WDR26: variants seen among roughly 807,000 people sequenced by gnomAD.
The protein encoded by WDR26 is WD repeat domain 26, also known as WD repeat-containing protein 26.
In WDR26, 5 loss-of-function variants were observed where a neutral mutation model predicts 84.1. The observed-to-expected ratio is 0.06, with a 90% confidence interval of 0.03 to 0.13. The LOEUF (loss-of-function observed/expected upper bound fraction) is 0.13. Ranked by LOEUF, WDR26 falls within the 10% of genes least tolerant of loss-of-function variation. WDR26 has a pLI of 1.00. For missense variants in WDR26, 642 were observed against 974.9 expected (o/e 0.66, Z 4.55); for synonymous variants, 415 against 389.6 (o/e 1.07, Z -0.77).
chr1:224,398,247 A>G (rs908492272), intron 11 of WDR26, 21 bp from the exon 12 acceptor site: 33 of 1,603,994 alleles, frequency 2.1e-5, no homozygotes, highest in Non-Finnish European at 2.7e-5. Flanking sequence ...AGGAGAATAC[A>G]GATATTTAAT....
chr1:224,433,370 CA>C (rs1222687431), intron 1 of WDR26, among the ~76,000 whole-genome samples: 1 of 152,146 alleles, frequency 6.6e-6, no homozygotes, highest in African/African-American at 2.4e-5. Flanking sequence ...TATTGACAGA[CA>C]ATTAAGCTCT....
Position 224,434,100 on chromosome 1 carries a change from C to A in WDR26, c.306G>T (p.Gln102His). ...CTCCTCCTCCTCCTGCCCCATTGGC[C>A]TGCATGATGCTGCCGCTGACCAGGC... Residue 102 changes from glutamine (Q) to histidine (H), a missense_variant, in exon 1 of 14, where the codon CAG (glutamine) becomes CAT (histidine). By Grantham distance (24) the Gln-to-His change is conservative (BLOSUM62 0). This residue lies in a region of WDR26 where 291 missense variants were observed against 302.1 expected (regional missense o/e 0.96). Transcript: ENST00000414423. 1 of 1,433,484 alleles carries A rather than the reference C, an allele frequency of 7.0e-7. No homozygotes were observed. The highest frequency in any genetic ancestry group is 2.9e-5 in the Admixed American group (1 of 34,988). 88.8% of individuals were successfully genotyped at this position (1,433,484 alleles called of 1,614,324 possible). A position where few individuals can be genotyped will look rare whatever the true frequency, so the allele number is the denominator to read the frequency against.
At chr1:224,409,953 T>A (rs778784770) in intron 7 of WDR26, among the ~76,000 whole-genome samples, 1 of 152,060 alleles carries the variant, frequency 6.6e-6, no homozygotes, top group Non-Finnish European at 1.5e-5. Flanking sequence ...AACTTTATCC[T>A]GAGCTAATAG....
At position 224,433,835 on chromosome 1, in the gene WDR26, T is replaced by C. The variant is rs1196319273; in HGVS notation, c.571A>G (p.Thr191Ala). Residue 191 changes from threonine (T) to alanine (A), a missense_variant, in exon 1 of 14, where the codon ACC becomes GCC. By Grantham distance (58) the Thr-to-Ala change is moderately conservative. Transcript: ENST00000414423. ...GTGGTGGCGGAGGCAGCTGCGACGGTGGCTGAGGATGCGGCGGCCGCCCCG... is the reference window on the plus strand; with the variant it reads ...GTGGTGGCGGAGGCAGCTGCGACGGCGGCTGAGGATGCGGCGGCCGCCCCG... 2.0e-5 allele frequency: 30 copies of C among 1,536,580 alleles called. No homozygotes were observed. The highest frequency in any genetic ancestry group is 4.1e-5 in the African/African-American group (3 of 72,968).
At chr1:224,425,880 GAC>G (rs1674195885) in intron 3 of WDR26, among the ~76,000 whole-genome samples, 1 of 150,968 alleles carries the variant, frequency 6.6e-6, no homozygotes, top group South Asian at 2.1e-4. Context: ...TTTTTTTTGA[GAC>G]AGAGTCTCAC....
intron 1 of WDR26, among the ~76,000 whole-genome samples, chr1:224,433,141 C>T (rs1284231057): frequency 6.6e-6 from 1 of 152,166 alleles, no homozygotes. Flanking sequence ...TCCAAATGAT[C>T]CCAGCCCCTC....
intron 13 of WDR26, among the ~76,000 whole-genome samples, chr1:224,393,321 T>A (rs527717067): frequency 5.6e-4 from 85 of 152,330 alleles, no homozygotes; most frequent in Admixed American, 1.6e-3. Context: ...GGCACACAGG[T>A]ACATGATCAA....
intron 12 of WDR26, among the ~76,000 whole-genome samples, chr1:224,394,365 T>C (rs1673202646): frequency 2.0e-5 from 3 of 152,226 alleles, no homozygotes; most frequent in Admixed American, 2.0e-4. Context: ...AAAAGCAATG[T>C]ATCCAAATTG....
intron 1 of WDR26, among the ~76,000 whole-genome samples, chr1:224,432,310 T>C (rs1004233344): frequency 2.6e-5 from 4 of 152,224 alleles, no homozygotes; most frequent in Non-Finnish European, 2.9e-5. Flanking sequence ...AAATTTACTA[T>C]GGTGTAGGTT....
rs1399965006 is a variant in WDR26, at chr1:224,387,798, G to A, written c.*2037C>T. On this transcript the variant is annotated 3_prime_UTR_variant, in exon 14 of 14. Coordinates refer to ENST00000414423, the MANE Select transcript of WDR26 (RefSeq NM_001379403.1). The stretch of plus-strand genomic sequence containing the variant: ...ACATGAATCACTTAAAATATGAATG[G>A]TTTTTAACTATACTGAGGTAAAGAG... The A allele has an allele frequency of 1.3e-5, 2 of 152,534 alleles. No homozygotes were observed. Among genetic ancestry groups the A allele is most frequent in the Non-Finnish European group, 2.9e-5 (2 of 68,016 alleles). The allele number at this position is 152,534 out of a possible 1,614,324, so 9.4% of individuals were successfully genotyped here. A position where few individuals can be genotyped will look rare whatever the true frequency, so the allele number is the denominator to read the frequency against.
At chr1:224,389,905 G>T in intron 13 of WDR26, 45 bp from the exon 14 acceptor site, 1 of 1,163,610 alleles carries the variant, frequency 8.6e-7, no homozygotes, top group African/African-American at 1.6e-5. Flanking sequence ...GGCGGGGGAG[G>T]GAAGAGGGGA....
intron 13 of WDR26, among the ~76,000 whole-genome samples, 188 bp downstream of exon 13, chr1:224,393,640 A>C (rs997364998): frequency 3.3e-5 from 5 of 152,174 alleles, no homozygotes; most frequent in Non-Finnish European, 7.3e-5. Context: ...CCCCCAAAAC[A>C]ACCACTACAT....
intron 4 of WDR26, among the ~76,000 whole-genome samples, chr1:224,420,938 T>A (rs1674043710): frequency 6.6e-6 from 1 of 152,198 alleles, no homozygotes; most frequent in African/African-American, 2.4e-5. Flanking sequence ...TAAAACAACT[T>A]TTTTTGGGCA....
chr1:224,429,260 C>CAA (rs1266985986), intron 3 of WDR26: 4 of 99,294 alleles, frequency 4.0e-5, no homozygotes, highest in Non-Finnish European at 6.3e-5. Context: ...GACTCCATCT[C>CAA]AAAAAAAAAA....
chr1:224,408,633 C>CTTTTTTTTTTTTTTTTT (rs67639407), intron 7 of WDR26, among the ~76,000 whole-genome samples: 1 of 115,856 alleles, frequency 8.6e-6, no homozygotes, highest in African/African-American at 3.1e-5. Flanking sequence ...TCATCCCATT[C>CTTTTTTTTTTTTTTTTT]TTTTTTTTTT....
Position 224,394,023 on chromosome 1 carries a change from T to A in WDR26, c.2075-10A>T. On this transcript the variant is annotated splice_polypyrimidine_tract_variant and intron_variant, in intron 12 of 13. Transcript: ENST00000414423. ...ATGTAAACCTTGTGATCTGAACATA[T>A]AGTAATTCAGAAAAAAGTTTTACAT... The A allele has an allele frequency of 7.0e-7, 1 of 1,436,320 alleles. No individual in the cohort carries two copies. Among genetic ancestry groups the A allele is most frequent in the South Asian group, 1.7e-5 (1 of 59,870 alleles). The allele number at this position is 1,436,320 out of a possible 1,614,324, so 89.0% of individuals were successfully genotyped here.
chr1:224,403,180 G>C (rs1392883192), intron 8 of WDR26, among the ~76,000 whole-genome samples: 2 of 151,928 alleles, frequency 1.3e-5, no homozygotes, highest in East Asian at 1.9e-4. Context: ...AGCCTCCCGA[G>C]TAGCTGGGAT....
chr1:224,433,881 A>G lies in WDR26; in HGVS notation c.525T>C (p.Asn175=). Reference sequence around the variant, plus strand: ...CCCCGCCGGGAACCCCGTTATTGACATTCAGGCTGTTGCTATTGTTGCTGG... The same window carrying G: ...CCCCGCCGGGAACCCCGTTATTGACGTTCAGGCTGTTGCTATTGTTGCTGG... The change falls in exon 1 of 14, where the codon AAT becomes AAC. Residue 175 remains asparagine (N), a synonymous_variant. Coordinates refer to ENST00000414423, the MANE Select transcript of WDR26 (RefSeq NM_001379403.1). 1 of 1,536,962 alleles carries G rather than the reference A, an allele frequency of 6.5e-7. No homozygotes were observed. The highest frequency in any genetic ancestry group is 8.7e-7 in the Non-Finnish European group (1 of 1,146,786).
At position 224,401,067 on chromosome 1, in the gene WDR26, T is replaced by C. The variant is rs1187303049; in HGVS notation, c.1602A>G (p.Thr534=). The C allele has an allele frequency of 1.2e-6, 2 of 1,613,452 alleles. No homozygotes were observed. The highest frequency in any genetic ancestry group is 1.1e-5 in the South Asian group (1 of 91,050). Reference sequence around the variant, plus strand: ...GGCTCATTTTTGTCCTTAGTTCTCCTGTCTATAAGGAAATAAAACTGTAAA... The same window carrying C: ...GGCTCATTTTTGTCCTTAGTTCTCCCGTCTATAAGGAAATAAAACTGTAAA... Residue 534 remains threonine, a splice_region_variant and synonymous_variant, in exon 9 of 14, where the codon ACA becomes ACG. Transcript: ENST00000414423.
Sources: allele counts gnomAD v4.1 joint callset (sites outside exome capture counted in the v4.1 genomes callset), GRCh38; gene constraint gnomAD v4.1.1; regional missense constraint gnomAD v4.1.1; transcripts MANE v1.5; gene names NCBI Gene and HGNC (gene_info 2026-07-23, HGNC 2026-07-21).